Variants in PDGFD observed in about 807,000 individuals in gnomAD.
The protein encoded by PDGFD is platelet-derived growth factor D.
A neutral mutation model predicts 44.7 loss-of-function variants in PDGFD; 30 were observed. That is an observed-to-expected ratio of 0.67 (90% CI 0.50 to 0.91). PDGFD has a LOEUF of 0.91. PDGFD is among the 40% of genes least tolerant of loss of function. The pLI, the probability that PDGFD is intolerant of heterozygous loss-of-function variation, is 0.00. For synonymous variants in PDGFD, 173 were observed against 168.4 expected, an observed-to-expected ratio of 1.03 and a Z score of -0.21; for missense variants, 445 against 457.8, an observed-to-expected ratio of 0.97 and a Z score of 0.25.
intron 1 of PDGFD, among the ~76,000 whole-genome samples, chr11:104,117,735 G>A (rs548950117): frequency 1.1e-4 from 16 of 152,030 alleles, no homozygotes; most frequent in African/African-American, 3.9e-4. Context: ...AACTATAGAT[G>A]ACACAAACAA....
intron 5 of PDGFD, among the ~76,000 whole-genome samples, chr11:103,937,318 G>C (rs1006859872): frequency 1.3e-5 from 2 of 151,948 alleles, no homozygotes. Context: ...TTATGTCCTG[G>C]ATTTTTCTTT....
At chr11:104,064,810 G>A (rs1273297496) in intron 1 of PDGFD, among the ~76,000 whole-genome samples, 1 of 152,110 alleles carries the variant, frequency 6.6e-6, no homozygotes, top group African/African-American at 2.4e-5. Flanking sequence ...ATATATAAAT[G>A]TTTATGCTGC....
intron 3 of PDGFD, among the ~76,000 whole-genome samples, chr11:103,979,696 G>A (rs1324466054): frequency 2.0e-5 from 3 of 152,102 alleles, no homozygotes; most frequent in African/African-American, 7.2e-5. Context: ...ACACAGAGAT[G>A]GGGTGAGTCA....
intron 1 of PDGFD, among the ~76,000 whole-genome samples, chr11:104,136,032 AG>A: frequency 6.6e-6 from 1 of 152,184 alleles, no homozygotes; most frequent in Non-Finnish European, 1.5e-5. Context: ...AGGGACCTCC[AG>A]GGAACAGGTG....
chr11:104,023,446 T>C (rs1591125467), intron 1 of PDGFD, among the ~76,000 whole-genome samples: 1 of 152,202 alleles, frequency 6.6e-6, no homozygotes, highest in Non-Finnish European at 1.5e-5. Context: ...GAAATGTTCC[T>C]TCCTACTGGG....
At chr11:103,930,250 C>T (rs719619) in intron 5 of PDGFD, among the ~76,000 whole-genome samples, 48,326 of 151,986 alleles carry the variant, frequency 0.32, 8,154 homozygotes, top group East Asian at 0.39. Flanking sequence ...TGCACAGGGG[C>T]GCACTTTTCC....
At position 103,908,634 on chromosome 11, in the gene PDGFD, G is replaced by A. The variant is rs1427377709; in HGVS notation, c.*1060C>T. 2.6e-5 allele frequency: 4 copies of A among 152,080 alleles called. No homozygotes were observed. Among genetic ancestry groups the A allele is most frequent in the Non-Finnish European group, 4.4e-5 (3 of 68,008 alleles). The allele number at this position is 152,080 out of a possible 1,614,324, so 9.4% of individuals were successfully genotyped here. ...ATCCATGTCTATATTTCAAAAAGAC[G>A]GGAACACAAAAGCAAGATACATTAA... On this transcript the variant is annotated 3_prime_UTR_variant, in exon 7 of 7. Transcript: ENST00000393158.
intron 1 of PDGFD, among the ~76,000 whole-genome samples, chr11:104,084,787 A>AAATATATATTTTATAAGTAT (rs1861099836): frequency 1.5e-5 from 2 of 133,108 alleles, no homozygotes; most frequent in African/African-American, 6.1e-5. Flanking sequence ...ACATAAAATA[A>AAATATATATTTTATAAGTAT]TATAAAATAT....
chr11:104,048,934 A>G (rs1171475005), intron 1 of PDGFD, among the ~76,000 whole-genome samples: 1 of 152,212 alleles, frequency 6.6e-6, no homozygotes, highest in Non-Finnish European at 1.5e-5. Flanking sequence ...TATATATGTT[A>G]ATTCACTTTA....
chr11:104,142,282 TAC>T (rs1164805357), intron 1 of PDGFD, among the ~76,000 whole-genome samples: 1 of 152,118 alleles, frequency 6.6e-6, no homozygotes, highest in African/African-American at 2.4e-5. Flanking sequence ...TTTATACATA[TAC>T]ACACACAAAC....
chr11:104,139,005 G>T (rs953080311), intron 1 of PDGFD, among the ~76,000 whole-genome samples: 3 of 152,020 alleles, frequency 2.0e-5, no homozygotes, highest in Non-Finnish European at 4.4e-5. Context: ...CAGGTGATCC[G>T]CCTGCCTCAG....
At chr11:103,949,608 C>A (rs1347269940) in intron 3 of PDGFD, among the ~76,000 whole-genome samples, 2 of 152,198 alleles carry the variant, frequency 1.3e-5, no homozygotes, top group African/African-American at 2.4e-5. Flanking sequence ...TTCCCTTGTT[C>A]ATTCAATATT....
intron 1 of PDGFD, among the ~76,000 whole-genome samples, chr11:104,001,896 A>T (rs1859625307): frequency 1.3e-5 from 2 of 152,244 alleles, no homozygotes; most frequent in Non-Finnish European, 2.9e-5. Flanking sequence ...TGTGAAGTAC[A>T]AAAGTCTCTT....
At chr11:104,090,778 T>C (rs1413865718) in intron 1 of PDGFD, among the ~76,000 whole-genome samples, 1 of 152,054 alleles carries the variant, frequency 6.6e-6, no homozygotes, top group African/African-American at 2.4e-5. Flanking sequence ...AAATTACTCT[T>C]TCTTTTTGTG....
At chr11:104,104,714 C>G (rs1213743259) in intron 1 of PDGFD, among the ~76,000 whole-genome samples, 4 of 152,020 alleles carry the variant, frequency 2.6e-5, no homozygotes, top group Non-Finnish European at 5.9e-5. Context: ...AATATTCTCA[C>G]CAAGAAAATG....
chr11:103,912,353 C>A (rs1858041135), intron 6 of PDGFD, among the ~76,000 whole-genome samples: 2 of 152,130 alleles, frequency 1.3e-5, no homozygotes, highest in South Asian at 4.1e-4. Flanking sequence ...TAATTTTCAA[C>A]CCAGAATTTC....
intron 1 of PDGFD, chr11:104,037,931 C>A: frequency 6.2e-7 from 1 of 1,614,102 alleles, no homozygotes. Flanking sequence ...CCCTTATGCT[C>A]TAGGATGGTA....
chr11:104,148,446 G>A (rs940410721), intron 1 of PDGFD, among the ~76,000 whole-genome samples: 1 of 151,976 alleles, frequency 6.6e-6, no homozygotes, highest in Non-Finnish European at 1.5e-5. Flanking sequence ...TGACTACTCT[G>A]AAATAGGATG....
intron 1 of PDGFD, among the ~76,000 whole-genome samples, chr11:104,004,081 A>C (rs1036073128): frequency 2.0e-5 from 3 of 152,220 alleles, no homozygotes; most frequent in African/African-American, 7.2e-5. Flanking sequence ...AACTTTTCTA[A>C]GTATAAAAGG....
Sources: gnomAD v4.1 joint callset for allele counts (sites outside exome capture counted in the v4.1 genomes callset) on GRCh38, gnomAD v4.1.1 for gene constraint, MANE v1.5 for transcripts, NCBI Gene and HGNC (gene_info 2026-07-23, HGNC 2026-07-21) for gene names.